The following MAPK8IP3 variants were observed in gnomAD, a reference collection of about 807,000 sequenced individuals.
MAPK8IP3 encodes mitogen-activated protein kinase 8 interacting protein 3.
Under a neutral mutation model 157.8 loss-of-function variants are expected in MAPK8IP3, and 49 were observed. That is an observed-to-expected ratio of 0.31 (90% confidence interval 0.25 to 0.39). The LOEUF (loss-of-function observed/expected upper bound fraction) is 0.39. MAPK8IP3 is among the 10% of genes least tolerant of loss of function. The pLI is 1.00. For missense variants in MAPK8IP3, 1,478 were observed against 1,889.4 expected, an observed-to-expected ratio of 0.78 and a Z score of 4.04; for synonymous variants, 897 against 777.7, an observed-to-expected ratio of 1.15 and a Z score of -2.55.
At chr16:1,759,845 C>T in intron 10 of MAPK8IP3, 113 bp from the exon 11 acceptor site, 1 of 929,232 alleles carries the variant, frequency 1.1e-6, no homozygotes. Flanking sequence ...GATCGGGCGT[C>T]ATCCCCAGCC....
rs1287469363 is a variant in MAPK8IP3 at position 1,710,464 on chromosome 16, A to C, written c.318+3807A>C. Among the ~76,000 whole-genome samples, 1 of 152,106 alleles carries C rather than the reference A, an allele frequency of 6.6e-6. No individual in the cohort carries two copies. The highest frequency in any genetic ancestry group is 1.5e-5 in the Non-Finnish European group (1 of 68,022). On this transcript the variant is annotated intron_variant, in intron 1 of 31. Coordinates refer to ENST00000610761, the MANE Select transcript of MAPK8IP3 (RefSeq NM_001318852.2). The surrounding 1 kb of genome is among the most constrained non-coding windows in gnomAD (Gnocchi z 4.1). ...CTCCAGCCTGGGCAACAAGAGTGAGACTCTGTCTCAAAATAAATAAATAGA... is the reference window on the plus strand; with the variant it reads ...CTCCAGCCTGGGCAACAAGAGTGAGCCTCTGTCTCAAAATAAATAAATAGA...
chr16:1,736,114 C>T (rs1236618829), intron 4 of MAPK8IP3, among the ~76,000 whole-genome samples: 3 of 116,248 alleles, frequency 2.6e-5, no homozygotes, highest in Non-Finnish European at 3.4e-5. Flanking sequence ...ATCCGTGTGA[C>T]CGTCCGTGTG....
intron 1 of MAPK8IP3, among the ~76,000 whole-genome samples, chr16:1,721,257 C>T (rs886570130): frequency 2.7e-5 from 4 of 148,996 alleles, no homozygotes; most frequent in African/African-American, 7.5e-5. Context: ...CACTTGAACC[C>T]GGGAGGCGGA....
At position 1,762,345 on chromosome 16, in the gene MAPK8IP3, C is replaced by T. The variant is rs1379964225; in HGVS notation, c.1540-6C>T. On this transcript the variant is annotated splice_region_variant and splice_polypyrimidine_tract_variant and intron_variant, in intron 13 of 31. Coordinates refer to ENST00000610761, the MANE Select transcript of MAPK8IP3 (RefSeq NM_001318852.2). ...TGGCTGAGCCTCTGTGCCCCTCCCT[C>T]CGCAGGACAAAATCCCCATGGCCCA... 63 of 1,566,872 alleles carry T rather than the reference C, an allele frequency of 4.0e-5. No homozygotes were observed. The highest frequency in any genetic ancestry group is 4.8e-5 in the Non-Finnish European group (56 of 1,156,864).
At chr16:1,756,489 A>C (rs2041605091) in intron 8 of MAPK8IP3, among the ~76,000 whole-genome samples, 1 of 151,946 alleles carries the variant, frequency 6.6e-6, no homozygotes, top group Non-Finnish European at 1.5e-5. Flanking sequence ...CCCATCTAAA[A>C]AAAGCAACCG....
In MAPK8IP3 at chr16:1,766,251, C is replaced by G. The variant is rs750007860; in HGVS notation, c.2661C>G (p.Val887=). 1 of 1,611,550 alleles carries G rather than the reference C, an allele frequency of 6.2e-7. No individual in the cohort carries two copies. Among genetic ancestry groups the G allele is most frequent in the Non-Finnish European group, 8.5e-7 (1 of 1,179,258 alleles). Reference sequence around the variant, plus strand: ...TGGCCACCATCGCCAACGGGAAGGTCAACCCGTCCCAGTCCACAGAGGAGG... The same window carrying G: ...TGGCCACCATCGCCAACGGGAAGGTGAACCCGTCCCAGTCCACAGAGGAGG... ...GEVATIANGK[V]NPSQSTEEAT... Residue 887 remains valine, a synonymous_variant, in exon 22 of 32, where the codon GTC becomes GTG. Coordinates refer to ENST00000610761, the MANE Select transcript of MAPK8IP3 (RefSeq NM_001318852.2).
chr16:1,731,072 G>A (rs1426226274), intron 4 of MAPK8IP3, among the ~76,000 whole-genome samples: 3 of 147,306 alleles, frequency 2.0e-5, no homozygotes, highest in South Asian at 2.2e-4. Context: ...CTTGGGAGGC[G>A]GAGACTGCAG....
Position 1,706,732 on chromosome 16 carries a change from C to T in MAPK8IP3, c.318+75C>T. 2.1e-6 allele frequency: 3 copies of T among 1,419,030 alleles called. No homozygotes were observed. The highest frequency in any genetic ancestry group is 1.4e-5 in the African/African-American group (1 of 69,160). 87.9% of individuals were successfully genotyped at this position (1,419,030 alleles called of 1,614,324 possible). A position where few individuals can be genotyped will look rare whatever the true frequency, so the allele number is the denominator to read the frequency against. On this transcript the variant is annotated intron_variant, in intron 1 of 31. Coordinates refer to ENST00000610761, the MANE Select transcript of MAPK8IP3 (RefSeq NM_001318852.2). The surrounding 1 kb of genome is among the most constrained non-coding windows in gnomAD (Gnocchi z 5.1). ...AGCCCCGGGCCCCGGACCCAACACC[C>T]GTCCCGACCCCAGACCCCGCTCCGG...
At chr16:1,763,828 G>A (rs2042094707) in intron 17 of MAPK8IP3, 45 bp downstream of exon 17, 3 of 1,389,208 alleles carry the variant, frequency 2.2e-6, no homozygotes, top group Admixed American at 3.2e-5. Flanking sequence ...CCGCAGAGGC[G>A]GGGCGGGGGT....
intron 10 of MAPK8IP3, 106 bp downstream of exon 10, chr16:1,759,101 G>A: frequency 6.7e-7 from 1 of 1,483,154 alleles, no homozygotes; most frequent in South Asian, 1.1e-5. Flanking sequence ...CAGTGTTGGG[G>A]CCGCCGGGGT....
At chr16:1,721,062 G>T (rs147377062) in intron 1 of MAPK8IP3, among the ~76,000 whole-genome samples, 3 of 151,942 alleles carry the variant, frequency 2.0e-5, no homozygotes, top group Middle Eastern at 3.4e-3. Flanking sequence ...ACAAGGCTGG[G>T]CATGGGGGCT....
intron 4 of MAPK8IP3, among the ~76,000 whole-genome samples, chr16:1,732,047 C>T (rs1271777746): frequency 2.6e-5 from 4 of 152,138 alleles, no homozygotes; most frequent in South Asian, 4.1e-4. Flanking sequence ...AGGAGAAAGC[C>T]GGGCTGCAGG....
At chr16:1,708,086 G>T (rs549283351) in intron 1 of MAPK8IP3, 1 of 152,230 alleles carries the variant, frequency 6.6e-6, no homozygotes, top group South Asian at 2.1e-4. Flanking sequence ...CTGAGTTAAA[G>T]CTCTCAACCT....
chr16:1,728,754 A>G (rs2039080932), intron 2 of MAPK8IP3, among the ~76,000 whole-genome samples: 1 of 143,566 alleles, frequency 7.0e-6, no homozygotes, highest in African/African-American at 2.7e-5. Flanking sequence ...GCAGCCCCCC[A>G]GACGGCCTTC....
Position 1,750,657 on chromosome 16 carries a change from T to G in MAPK8IP3, c.1216+1937T>G, listed in dbSNP as rs150526038. ...CCACCATGCTATAATGATTTTTTTT[T>G]TTTTTGAGACGGAGTCCCACTTTGT... On this transcript the variant is annotated intron_variant, in intron 8 of 31. Transcript: ENST00000610761. Among the ~76,000 whole-genome samples, 425 of 152,166 alleles carry G rather than the reference T, an allele frequency of 2.8e-3. 1 individual carries two copies. Among genetic ancestry groups the G allele is most frequent in the Non-Finnish European group, 5.2e-3 (354 of 67,992 alleles).
intron 4 of MAPK8IP3, among the ~76,000 whole-genome samples, chr16:1,731,239 G>A (rs2039297493): frequency 6.6e-6 from 1 of 152,148 alleles, no homozygotes; most frequent in African/African-American, 2.4e-5. Flanking sequence ...TGAGGCAGGA[G>A]AATCACCTGA....
chr16:1,731,412 T>G (rs1266324660), intron 4 of MAPK8IP3, among the ~76,000 whole-genome samples: 1 of 152,252 alleles, frequency 6.6e-6, no homozygotes, highest in African/African-American at 2.4e-5. Flanking sequence ...CGGGAGTCCC[T>G]GTGCTGGCTC....
intron 20 of MAPK8IP3, among the ~76,000 whole-genome samples, chr16:1,765,575 C>T (rs2042211319): frequency 6.6e-6 from 1 of 152,174 alleles, no homozygotes; most frequent in East Asian, 1.9e-4. Flanking sequence ...TGGGCAGTAG[C>T]CTTGGTGATG....
chr16:1,758,402 C>A (rs992435493), intron 9 of MAPK8IP3, among the ~76,000 whole-genome samples: 6 of 152,170 alleles, frequency 3.9e-5, no homozygotes, highest in Admixed American at 6.5e-5. Context: ...CGGGCCATTT[C>A]TGAAGGCCCT....
Sources: gnomAD v4.1 joint callset for allele counts (sites outside exome capture counted in the v4.1 genomes callset) on GRCh38, gnomAD v4.1.1 for gene constraint, Gnocchi (gnomAD v3.1) non-coding constraint, MANE v1.5 for transcripts, NCBI Gene and HGNC (gene_info 2026-07-23, HGNC 2026-07-21) for gene names.